KIF16B: variants seen among roughly 807,000 people sequenced by gnomAD.
KIF16B encodes kinesin-like protein KIF16B.
A neutral mutation model predicts 156.3 loss-of-function variants in KIF16B; 98 were observed. The observed-to-expected ratio is 0.63, with a 90% CI of 0.53 to 0.74. KIF16B has a LOEUF of 0.74. Among genes scored for constraint, KIF16B ranks in the 30% least tolerant of loss-of-function variants. The probability of loss-of-function intolerance (pLI) is 0.00; values close to 1 mark genes in which losing one functional copy is unlikely to be tolerated. For missense variants in KIF16B, 1,421 were observed against 1,606.5 expected, an observed-to-expected ratio of 0.88 and a Z score of 1.97; for synonymous variants, 564 against 583.7, an observed-to-expected ratio of 0.97 and a Z score of 0.49.
intron 12 of KIF16B, among the ~76,000 whole-genome samples, chr20:16,451,695 C>A (rs1454566174): frequency 6.6e-6 from 1 of 152,080 alleles, no homozygotes; most frequent in South Asian, 2.1e-4. Context: ...TTCATGTCAC[C>A]CTATCCAGTG....
chr20:16,352,220 C>G (rs981242185), intron 23 of KIF16B, among the ~76,000 whole-genome samples: 1 of 152,202 alleles, frequency 6.6e-6, no homozygotes, highest in African/African-American at 2.4e-5. Context: ...TATGTCAACA[C>G]TCATCCAACT....
chr20:16,340,147 C>A (rs2064115391), intron 23 of KIF16B, among the ~76,000 whole-genome samples: 1 of 152,186 alleles, frequency 6.6e-6, no homozygotes, highest in African/African-American at 2.4e-5. Flanking sequence ...TGCTACACAG[C>A]AAGTATGGCC....
At chr20:16,512,698 G>C (rs888340337) in intron 5 of KIF16B, 128 bp downstream of exon 5, 101 of 594,868 alleles carry the variant, frequency 1.7e-4, no homozygotes, top group Non-Finnish European at 1.5e-4. Context: ...ATAATCACAG[G>C]AGGGGAAAAG....
At chr20:16,472,892 C>T (rs906045967) in intron 12 of KIF16B, among the ~76,000 whole-genome samples, 7 of 152,142 alleles carry the variant, frequency 4.6e-5, no homozygotes, top group African/African-American at 1.7e-4. Context: ...CTTTGATAGA[C>T]CAACCTTAGA....
intron 22 of KIF16B, among the ~76,000 whole-genome samples, chr20:16,365,733 G>A (rs534512269): frequency 3.3e-5 from 5 of 152,288 alleles, no homozygotes; most frequent in South Asian, 4.2e-4. Context: ...CACCATCTCC[G>A]TCATTGGTTA....
At position 16,524,673 on chromosome 20, in the gene KIF16B, T is replaced by C. The variant is rs191730805; in HGVS notation, c.231+1419A>G. Among the ~76,000 whole-genome samples, 5 of 152,332 alleles carry C rather than the reference T, an allele frequency of 3.3e-5. No homozygotes were observed. The East Asian group carries it at 9.6e-4, about 29-fold the overall frequency. On this transcript the variant is annotated intron_variant, in intron 3 of 25. Transcript: ENST00000354981. ...CCATTTGACCCAGCAATCCCATTAC[T>C]GGTTATATACCCAAAGGATTATAAA...
At chr20:16,301,799 A>G (rs1601527039) in intron 25 of KIF16B, among the ~76,000 whole-genome samples, 1 of 151,830 alleles carries the variant, frequency 6.6e-6, no homozygotes, top group Non-Finnish European at 1.5e-5. Context: ...ACAGGCATGC[A>G]CCACTACACC....
intron 17 of KIF16B, among the ~76,000 whole-genome samples, chr20:16,395,562 T>C (rs1386617373): frequency 6.6e-6 from 1 of 152,182 alleles, no homozygotes; most frequent in Non-Finnish European, 1.5e-5. Flanking sequence ...CTTTCAAGCT[T>C]TACATTCCAG....
At chr20:16,433,563 C>A (rs2066561086) in intron 12 of KIF16B, among the ~76,000 whole-genome samples, 1 of 148,820 alleles carries the variant, frequency 6.7e-6, no homozygotes, top group South Asian at 2.1e-4. Context: ...CTTGTTCCCA[C>A]CCATCCCCAG....
chr20:16,296,320 G>T (rs1032256590), intron 25 of KIF16B, among the ~76,000 whole-genome samples: 4 of 152,266 alleles, frequency 2.6e-5, no homozygotes, highest in East Asian at 1.9e-4. Flanking sequence ...TTTAATAAAA[G>T]AAAACAAATA....
intron 12 of KIF16B, among the ~76,000 whole-genome samples, chr20:16,459,119 A>C (rs1215586273): frequency 6.6e-6 from 1 of 152,122 alleles, no homozygotes; most frequent in African/African-American, 2.4e-5. Flanking sequence ...TTGCCAAACT[A>C]ATTTAATTTC....
rs781487844 is a variant in KIF16B, at chr20:16,378,864, C to A, written c.3138G>T (p.Gln1046His). Residue 1046 changes from glutamine (Q) to histidine (H), a missense_variant, in exon 19 of 26, where the codon CAG becomes CAT. Physicochemically the swap from Gln to His is conservative, Grantham distance 24. Transcript: ENST00000354981. ...LASLNSGSRE[Q>H]SGLQASLEAE... ...CCTCCAGGCTAGCCTGGAGCCCTGA[C>A]TGCTCTCTGCTGCCACTGTTCAGAC... 3.1e-6 allele frequency: 5 copies of A among 1,614,060 alleles called. No individual in the cohort carries two copies. The highest frequency in any genetic ancestry group is 4.2e-6 in the Non-Finnish European group (5 of 1,179,974).
Position 16,550,588 on chromosome 20 carries a change from A to C in KIF16B, c.48-22148T>G, listed in dbSNP as rs150852043. Among the ~76,000 whole-genome samples, 599 of 135,796 alleles carry C rather than the reference A, an allele frequency of 4.4e-3. 8 individuals carry two copies. The highest frequency in any genetic ancestry group is 0.016 in the African/African-American group (568 of 34,756). 89.1% of individuals were successfully genotyped at this position (135,796 alleles called of 152,430 possible). On this transcript the variant is annotated intron_variant, in intron 1 of 25. Transcript: ENST00000354981. ...CACTCAGTCACCCAGGCTGGAGTGC[A>C]GTGGTGCGATCAGAGCTCACTGTAG...
At chr20:16,401,441 A>G (rs957140924) in intron 17 of KIF16B, among the ~76,000 whole-genome samples, 2 of 152,206 alleles carry the variant, frequency 1.3e-5, no homozygotes, top group African/African-American at 2.4e-5. Flanking sequence ...CCTCTGCATA[A>G]TATGTCTCAT....
intron 12 of KIF16B, among the ~76,000 whole-genome samples, chr20:16,488,554 C>CA (rs1204422219): frequency 1.3e-5 from 2 of 152,012 alleles, no homozygotes; most frequent in Non-Finnish European, 2.9e-5. Flanking sequence ...AGGATCACTT[C>CA]AAAAAAATCA....
At chr20:16,345,408 A>T (rs544414286) in intron 23 of KIF16B, among the ~76,000 whole-genome samples, 1 of 152,302 alleles carries the variant, frequency 6.6e-6, no homozygotes, top group African/African-American at 2.4e-5. Flanking sequence ...TTTCTGAAAC[A>T]TTTTCTAATT....
rs146903135 is a variant in KIF16B at position 16,552,290 on chromosome 20, C to T, written c.47+20939G>A. Among the ~76,000 whole-genome samples, 3 of 152,316 alleles carry T rather than the reference C, an allele frequency of 2.0e-5. No homozygotes were observed. The East Asian group carries it at 5.8e-4, about 29-fold the overall frequency. ...GTCATACAGAGAAGGGAATTGAGAA[C>T]AGCTACATGTGCCTCTGAAAATAAA... On this transcript the variant is annotated intron_variant, in intron 1 of 25. Coordinates refer to ENST00000354981, the MANE Select transcript of KIF16B (RefSeq NM_024704.5).
intron 3 of KIF16B, 81 bp downstream of exon 3, chr20:16,526,011 T>C (rs1224173225): frequency 1.3e-5 from 10 of 750,870 alleles, no homozygotes; most frequent in Non-Finnish European, 2.1e-5. Flanking sequence ...ATTGGCAAGA[T>C]ATTTTAAAGT....
chr20:16,453,235 G>A (rs143844271), intron 12 of KIF16B, among the ~76,000 whole-genome samples: 167 of 152,042 alleles, frequency 1.1e-3, no homozygotes, highest in African/African-American at 2.6e-3. Context: ...ATACCACTGC[G>A]CTCCAGCCTG....
Sources: allele counts gnomAD v4.1 joint callset (sites outside exome capture counted in the v4.1 genomes callset), GRCh38; gene constraint gnomAD v4.1.1; transcripts MANE v1.5; gene names NCBI Gene and HGNC (gene_info 2026-07-23, HGNC 2026-07-21).